The following DGKB variants were observed in gnomAD, a reference collection of about 807,000 sequenced individuals.
DGKB encodes the protein diacylglycerol kinase beta.
DGKB carries 67 observed loss-of-function variants against 114.3 expected under a neutral mutation model. The observed-to-expected ratio is 0.59, with a 90% CI of 0.48 to 0.72. DGKB has a LOEUF of 0.72. Ranked by LOEUF, DGKB falls within the 30% of genes least tolerant of loss-of-function variation. DGKB has a pLI of 0.00. For missense variants in DGKB, 907 were observed against 975.2 expected (o/e 0.93, Z 0.93); for synonymous variants, 398 against 323.1 (o/e 1.23, Z -2.49).
intron 20 of DGKB, among the ~76,000 whole-genome samples, chr7:14,490,514 T>C (rs1730825803): frequency 6.6e-6 from 1 of 152,172 alleles, no homozygotes; most frequent in Admixed American, 6.5e-5. Flanking sequence ...AATGGTTATC[T>C]AGACAGAGGT....
At chr7:14,735,088 A>G (rs1053813952) in intron 5 of DGKB, among the ~76,000 whole-genome samples, 8 of 152,248 alleles carry the variant, frequency 5.3e-5, no homozygotes, top group African/African-American at 1.7e-4. Flanking sequence ...TGTAGGCTCT[A>G]GTCTCTAGCT....
At chr7:14,249,369 G>A (rs1794910607) in intron 23 of DGKB, among the ~76,000 whole-genome samples, 1 of 152,118 alleles carries the variant, frequency 6.6e-6, no homozygotes, top group South Asian at 2.1e-4. Flanking sequence ...AATTAGTCGG[G>A]AGGTATTCCT....
rs908813594 is a variant in DGKB at position 14,709,023 on chromosome 7, C to T, written c.467-7293G>A. On this transcript the variant is annotated intron_variant, in intron 6 of 25. Transcript: ENST00000402815. Reference sequence around the variant, plus strand: ...CAAAAGAAACTACCATCAGAGTGAACAGGCAACCTACAAAATGGGAGAAGA... The same window carrying T: ...CAAAAGAAACTACCATCAGAGTGAATAGGCAACCTACAAAATGGGAGAAGA... Among the ~76,000 whole-genome samples the T allele has an allele frequency of 2.5e-3, 359 of 145,900 alleles. 3 individuals are homozygous for T. The highest frequency in any genetic ancestry group is 4.0e-3 in the African/African-American group (157 of 38,832).
chr7:14,581,314 T>C (rs1336881148), intron 18 of DGKB, among the ~76,000 whole-genome samples: 1 of 152,208 alleles, frequency 6.6e-6, no homozygotes, highest in African/African-American at 2.4e-5. Flanking sequence ...ACAACTAGGA[T>C]GGATGGGTAG....
At chr7:14,415,673 T>A (rs960672241) in intron 21 of DGKB, among the ~76,000 whole-genome samples, 8 of 152,238 alleles carry the variant, frequency 5.3e-5, no homozygotes, top group African/African-American at 1.7e-4. Context: ...TCTATCATTA[T>A]TGGACATTTG....
intron 23 of DGKB, among the ~76,000 whole-genome samples, chr7:14,247,397 TC>T (rs1372824916): frequency 6.6e-6 from 1 of 152,150 alleles, no homozygotes; most frequent in Non-Finnish European, 1.5e-5. Context: ...CATAGGCAGT[TC>T]TGTTTTTAAT....
At chr7:14,634,408 T>A (rs981013743) in intron 13 of DGKB, among the ~76,000 whole-genome samples, 15 of 151,036 alleles carry the variant, frequency 9.9e-5, no homozygotes, top group Admixed American at 4.6e-4. Context: ...TTTAAGTGGT[T>A]TGGAAATAAA....
At chr7:14,708,279 G>A (rs1338694274) in intron 6 of DGKB, among the ~76,000 whole-genome samples, 1 of 112,578 alleles carries the variant, frequency 8.9e-6, no homozygotes, top group Non-Finnish European at 1.8e-5. Context: ...ACCTCTTCAA[G>A]GAGAACTACA....
At chr7:14,273,728 G>A (rs2128439114) in intron 23 of DGKB, among the ~76,000 whole-genome samples, 1 of 152,272 alleles carries the variant, frequency 6.6e-6, no homozygotes, top group African/African-American at 2.4e-5. Context: ...TTGAAAAGGT[G>A]TCTTCTAAAA....
intron 1 of DGKB, among the ~76,000 whole-genome samples, chr7:14,841,676 T>C (rs1013055463): frequency 2.0e-5 from 3 of 152,188 alleles, no homozygotes; most frequent in African/African-American, 7.2e-5. Flanking sequence ...TATCAGTCTG[T>C]ACCAATTTTT....
intron 1 of DGKB, among the ~76,000 whole-genome samples, chr7:14,960,068 C>G (rs1207472644): frequency 1.3e-5 from 2 of 151,884 alleles, no homozygotes; most frequent in African/African-American, 4.8e-5. Flanking sequence ...GCATGAGATA[C>G]AAATTAGAAA....
At chr7:14,661,948 C>T (rs963205569) in intron 13 of DGKB, among the ~76,000 whole-genome samples, 2 of 151,724 alleles carry the variant, frequency 1.3e-5, no homozygotes, top group Admixed American at 6.6e-5. Context: ...AGTAAACTAT[C>T]TCAAGAACAA....
Position 14,962,931 on chromosome 7 carries a change from C to T in DGKB, c.-188+11765G>A, listed in dbSNP as rs139810407. ...GACTCATTAATTAAACTACAGATCT[C>T]AAAGCAACCAGAGCCAAAAATTTAT... On this transcript the variant is annotated intron_variant, in intron 1 of 4. Coordinates refer to the DGKB transcript ENST00000437998. 9.9e-5 allele frequency among the ~76,000 whole-genome samples: 15 copies of T among 152,172 alleles called. No homozygotes were observed. The East Asian group carries it at 2.9e-3, about 29-fold the overall frequency.
At chr7:14,512,981 T>A (rs902367454) in intron 20 of DGKB, among the ~76,000 whole-genome samples, 4 of 152,092 alleles carry the variant, frequency 2.6e-5, no homozygotes, top group African/African-American at 9.7e-5. Flanking sequence ...ATTTACTACA[T>A]GTCAAGAACT....
chr7:14,855,757 C>T (rs1325259505), intron 1 of DGKB, among the ~76,000 whole-genome samples: 1 of 152,056 alleles, frequency 6.6e-6, no homozygotes, highest in Non-Finnish European at 1.5e-5. Context: ...TAAATATTAA[C>T]ACCTTATTTG....
intron 23 of DGKB, among the ~76,000 whole-genome samples, chr7:14,273,290 G>C (rs1339591905): frequency 6.6e-6 from 1 of 152,152 alleles, no homozygotes; most frequent in Non-Finnish European, 1.5e-5. Flanking sequence ...AGGTTGTAGT[G>C]AGCCATGATC....
At chr7:14,421,974 C>G (rs1239729699) in intron 21 of DGKB, among the ~76,000 whole-genome samples, 1 of 151,906 alleles carries the variant, frequency 6.6e-6, no homozygotes, top group African/African-American at 2.4e-5. Flanking sequence ...ACTTCAGGCA[C>G]TCCTTAGTAT....
At chr7:14,562,084 G>A (rs139991618) in intron 20 of DGKB, among the ~76,000 whole-genome samples, 1,771 of 152,312 alleles carry the variant, frequency 0.012, 27 homozygotes, top group African/African-American at 0.04. Context: ...TGGTTAAAAG[G>A]GACCAAGGTA....
intron 23 of DGKB, among the ~76,000 whole-genome samples, chr7:14,199,469 T>A (rs946481937): frequency 6.6e-6 from 1 of 152,014 alleles, no homozygotes; most frequent in Admixed American, 6.6e-5. Flanking sequence ...ATTTCCACCA[T>A]GAAATCAAAG....
Sources: allele counts gnomAD v4.1 joint callset (sites outside exome capture counted in the v4.1 genomes callset), GRCh38; gene constraint gnomAD v4.1.1; transcripts MANE v1.5; gene names NCBI Gene and HGNC (gene_info 2026-07-23, HGNC 2026-07-21).